Variants in COL22A1 observed in about 807,000 individuals in gnomAD.
The protein encoded by COL22A1 is collagen type XXII alpha 1 chain.
A neutral mutation model predicts 248.9 loss-of-function variants in COL22A1; 221 were observed. The observed-to-expected ratio is 0.89, with a 90% confidence interval of 0.80 to 0.99. The LOEUF (loss-of-function observed/expected upper bound fraction) is 0.99, where lower values mean the gene tolerates loss of function less well. Ranked by LOEUF, COL22A1 falls within the 50% of genes least tolerant of loss-of-function variation. COL22A1 has a pLI of 0.00. For missense variants in COL22A1, 2,240 were observed against 2,179.0 expected, an observed-to-expected ratio of 1.03 and a Z score of -0.56; for synonymous variants, 891 against 793.4, an observed-to-expected ratio of 1.12 and a Z score of -2.07.
rs772473818 is a variant in COL22A1 at position 138,694,568 on chromosome 8, G to C, written c.2647-7C>G. On this transcript the variant is annotated splice_polypyrimidine_tract_variant and splice_region_variant and intron_variant, in intron 33 of 64. Transcript: ENST00000303045. ...CAGGACGGCCCTGCAGTCCCTGTAA[G>C]CACACAAGTTGCCATGAACCAGCTC... is the stretch of plus-strand genomic sequence containing the variant. 10 of 1,613,942 alleles carry C rather than the reference G, an allele frequency of 6.2e-6. No homozygotes were observed. Among genetic ancestry groups the C allele is most frequent in the Non-Finnish European group, 8.5e-6 (10 of 1,179,862 alleles).
chr8:138,850,416 G>A (rs892395168), intron 3 of COL22A1, among the ~76,000 whole-genome samples: 3 of 152,250 alleles, frequency 2.0e-5, no homozygotes, highest in African/African-American at 4.8e-5. Context: ...CCTGCTGACA[G>A]CTGCGAACAC....
At chr8:138,636,609 T>C in intron 48 of COL22A1, 133 bp downstream of exon 48, 1 of 721,112 alleles carries the variant, frequency 1.4e-6, no homozygotes, top group South Asian at 1.8e-5. Context: ...ATGAAAACCA[T>C]AAAAATGAGA....
intron 47 of COL22A1, among the ~76,000 whole-genome samples, chr8:138,645,588 C>A (rs79991205): frequency 0.037 from 5,576 of 152,250 alleles, 330 homozygotes; most frequent in African/African-American, 0.12. Flanking sequence ...CTGATGGGAG[C>A]ATTTTGCCCG....
Position 138,863,705 on chromosome 8 carries a change from G to A in COL22A1, c.658+14045C>T, listed in dbSNP as rs368282323. On this transcript the variant is annotated intron_variant, in intron 3 of 64. Transcript: ENST00000303045. ...CTGCCTCCTGCAGTTTTACTTGACT[G>A]CTCTCCTGCCTTCTCTGGGCTCTGG... Among the ~76,000 whole-genome samples the A allele has an allele frequency of 1.5e-4, 23 of 152,282 alleles. No homozygotes were observed. In the East Asian group the frequency reaches 4.1e-3, roughly 27 times the overall value.
chr8:138,686,053 C>A (rs966682051), intron 37 of COL22A1, among the ~76,000 whole-genome samples: 10 of 152,096 alleles, frequency 6.6e-5, no homozygotes, highest in Non-Finnish European at 1.2e-4. Context: ...CTCTGTTATG[C>A]AACATTTCTT....
chr8:138,750,723 C>T (rs893700652), intron 22 of COL22A1, among the ~76,000 whole-genome samples: 2 of 152,184 alleles, frequency 1.3e-5, no homozygotes, highest in African/African-American at 2.4e-5. Context: ...AGATTGTTAA[C>T]CATGTGAACT....
chr8:138,682,859 C>T (rs868727475), intron 39 of COL22A1, among the ~76,000 whole-genome samples: 2 of 152,080 alleles, frequency 1.3e-5, no homozygotes, highest in Non-Finnish European at 2.9e-5. Flanking sequence ...ACTACCACAC[C>T]CAGTTAATTT....
chr8:138,847,137 C>T (rs1482401953), intron 3 of COL22A1, among the ~76,000 whole-genome samples: 2 of 152,216 alleles, frequency 1.3e-5, no homozygotes, highest in African/African-American at 4.8e-5. Context: ...TCTGTCTCCC[C>T]AGGGAGTGGG....
chr8:138,760,262 G>A lies in COL22A1; in HGVS notation c.1883C>T (p.Ala628Val), dbSNP rs868154713. The A allele has an allele frequency of 1.3e-6, 2 of 1,595,844 alleles. No individual in the cohort carries two copies. The highest frequency in any genetic ancestry group is 1.7e-6 in the Non-Finnish European group (2 of 1,171,358). Residue 628 changes from alanine to valine, a missense_variant, in exon 18 of 65, where the codon GCA becomes GTA. Transcript: ENST00000303045. ...QQGRPGPSGV[A>V]GPQGEKGDVG... ...GCTCACCTTTTCTCCCTGGGGTCCT[G>A]CCACACCAGAAGGGCCGGGCCTGCC...
intron 50 of COL22A1, among the ~76,000 whole-genome samples, chr8:138,630,306 C>T (rs951341479): frequency 6.6e-6 from 1 of 152,312 alleles, no homozygotes; most frequent in East Asian, 1.9e-4. Flanking sequence ...GTCTGACATT[C>T]CCCTGGTGCA....
rs190689266 is a variant in COL22A1, at chr8:138,837,919, C to T, written c.734-4769G>A. ...TGGGACGTGTCCTGGTGGCCTCCTC[C>T]TCAGTGATGTAGGGGTGAGGACGTG... is the stretch of plus-strand genomic sequence containing the variant. On this transcript the variant is annotated intron_variant, in intron 4 of 64. Coordinates refer to ENST00000303045, the MANE Select transcript of COL22A1 (RefSeq NM_152888.3). Among the ~76,000 whole-genome samples, 54 of 152,278 alleles carry T rather than the reference C, an allele frequency of 3.5e-4. 1 individual carries two copies. The East Asian group carries it at 9.9e-3, about 28-fold the overall frequency.
At position 138,750,820 on chromosome 8, in the gene COL22A1, G is replaced by A. The variant is rs188520787; in HGVS notation, c.2085+638C>T. Among the ~76,000 whole-genome samples, 186 of 152,306 alleles carry A rather than the reference G, an allele frequency of 1.2e-3. 1 individual carries two copies. The highest frequency in any genetic ancestry group is 4.2e-3 in the African/African-American group (176 of 41,568). ...TGTGCCAGGTACCTTGGTGGGAACT[G>A]GGGACACAGAGTTGAGTCTGGCTTT... On this transcript the variant is annotated intron_variant, in intron 22 of 64. Coordinates refer to ENST00000303045, the MANE Select transcript of COL22A1 (RefSeq NM_152888.3).
chr8:138,637,003 G>A (rs1821239144), intron 47 of COL22A1, among the ~76,000 whole-genome samples: 1 of 152,108 alleles, frequency 6.6e-6, no homozygotes, highest in African/African-American at 2.4e-5. Context: ...TGGGATTTGG[G>A]GTATGGGGTT....
chr8:138,621,318 G>A (rs575886125), intron 52 of COL22A1, among the ~76,000 whole-genome samples: 31 of 152,318 alleles, frequency 2.0e-4, no homozygotes, highest in African/African-American at 7.2e-4. Context: ...GAAGCAGTCA[G>A]AGGATCGCCA....
chr8:138,864,927 G>C (rs897949180), intron 3 of COL22A1, among the ~76,000 whole-genome samples: 1 of 152,218 alleles, frequency 6.6e-6, no homozygotes, highest in Admixed American at 6.5e-5. Context: ...AGGGGAGCCA[G>C]AACTCACCTG....
At chr8:138,610,495 G>A (rs1818771698) in intron 56 of COL22A1, among the ~76,000 whole-genome samples, 1 of 152,190 alleles carries the variant, frequency 6.6e-6, no homozygotes, top group Admixed American at 6.5e-5. Context: ...GAGTAAAAAT[G>A]AGGTTGTCAG....
intron 12 of COL22A1, among the ~76,000 whole-genome samples, chr8:138,793,566 C>A (rs970783903): frequency 6.6e-6 from 1 of 152,216 alleles, no homozygotes; most frequent in African/African-American, 2.4e-5. Context: ...ATATCAACTG[C>A]AGGAAAATGT....
chr8:138,897,024 T>C (rs1417197873), intron 1 of COL22A1, among the ~76,000 whole-genome samples: 2 of 151,840 alleles, frequency 1.3e-5, no homozygotes, highest in Non-Finnish European at 2.9e-5. Flanking sequence ...GTTACATAGG[T>C]AACCTCATTC....
rs536343012 is a variant in COL22A1 at position 138,658,453 on chromosome 8, A to G, written c.3285+1983T>C. Reference sequence around the variant, plus strand: ...TGAAGATCAGCCATGTGGGCACTCCATGCCTGTGTGACCGACTCCCAACAT... The same window carrying G: ...TGAAGATCAGCCATGTGGGCACTCCGTGCCTGTGTGACCGACTCCCAACAT... On this transcript the variant is annotated intron_variant, in intron 44 of 64. Transcript: ENST00000303045. 2.6e-5 allele frequency among the ~76,000 whole-genome samples: 4 copies of G among 152,304 alleles called. No individual in the cohort carries two copies. The East Asian group carries it at 7.7e-4, about 29-fold the overall frequency.
Sources: allele counts gnomAD v4.1 joint callset (sites outside exome capture counted in the v4.1 genomes callset), GRCh38; gene constraint gnomAD v4.1.1; transcripts MANE v1.5; gene names NCBI Gene and HGNC (gene_info 2026-07-23, HGNC 2026-07-21).